The following BRSK1 variants were observed in gnomAD, a reference collection of about 807,000 sequenced individuals.
The protein encoded by BRSK1 is BR serine/threonine kinase 1.
BRSK1 carries 17 observed loss-of-function variants against 86.2 expected under a neutral mutation model. The observed-to-expected ratio is 0.20, with a 90% CI of 0.14 to 0.30. The LOEUF is 0.30. BRSK1 is among the 10% of genes least tolerant of loss of function. BRSK1 has a pLI of 1.00. For missense variants in BRSK1, 719 were observed against 1,071.9 expected (o/e 0.67, Z 4.60); for synonymous variants, 464 against 440.1 (o/e 1.05, Z -0.68).
rs2088613296 is a variant in BRSK1 at position 55,304,211 on chromosome 19, C to T, written c.1347+101C>T. On this transcript the variant is annotated intron_variant, in intron 13 of 18. Transcript: ENST00000309383. The surrounding 1 kb of genome is among the most constrained non-coding windows in gnomAD (Gnocchi z 5.2). ...CTACAATTCCTGTGCAGTCTTGAGACTTGCTTCTTTGTCCCTGGAGGGCCA... is the reference window on the plus strand; with the variant it reads ...CTACAATTCCTGTGCAGTCTTGAGATTTGCTTCTTTGTCCCTGGAGGGCCA... 7.9e-7 allele frequency: 1 copy of T among 1,271,548 alleles called. No homozygotes were observed. The highest frequency in any genetic ancestry group is 1.1e-6 in the Non-Finnish European group (1 of 922,778). The allele number at this position is 1,271,548 out of a possible 1,614,324, so 78.8% of individuals were successfully genotyped here. A position where few individuals can be genotyped will look rare whatever the true frequency, so the allele number is the denominator to read the frequency against.
Position 55,312,009 on chromosome 19 carries a change from C to G in BRSK1, c.2278C>G (p.Arg760Gly). Residue 760 changes from arginine to glycine, a missense_variant, in exon 19 of 19, where the codon CGC becomes GGC. Transcript: ENST00000309383. ...AGACCCAGAGCTGAGCAGCTCTCCC[C>G]GCCGAGGCCCCCCCAAGGACAAGAA... ...RPDPELSSSP[R>G]RGPPKDKKLL... The G allele has an allele frequency of 6.6e-7, 1 of 1,524,716 alleles. No homozygotes were observed. The highest frequency in any genetic ancestry group is 8.8e-7 in the Non-Finnish European group (1 of 1,134,934). The allele number at this position is 1,524,716 out of a possible 1,614,324, so 94.4% of individuals were successfully genotyped here.
At position 55,312,126 on chromosome 19, in the gene BRSK1, C is replaced by T. The variant is rs2088815519; in HGVS notation, c.*58C>T. The T allele has an allele frequency of 1.4e-6, 1 of 724,348 alleles. No homozygotes were observed. Among genetic ancestry groups the T allele is most frequent in the South Asian group, 2.0e-5 (1 of 49,412 alleles). 44.9% of individuals were successfully genotyped at this position (724,348 alleles called of 1,614,324 possible). ...TCCACCCCCCTTCCGTGCCCCCCAA[C>T]TGTGAATCTGTAAATAAGGCCCAAG... On this transcript the variant is annotated 3_prime_UTR_variant, in exon 19 of 19. Coordinates refer to ENST00000309383, the MANE Select transcript of BRSK1 (RefSeq NM_032430.2).
In BRSK1 at chr19:55,311,864, C is replaced by A. The variant is rs2088805480; in HGVS notation, c.2180-47C>A. ...CCCCATCCCCTGGTAATGGGAACCC[C>A]AACCCTGGGCTGCGGAACCCACGAA... On this transcript the variant is annotated intron_variant, in intron 18 of 18. Transcript: ENST00000309383. 3.8e-6 allele frequency: 6 copies of A among 1,597,426 alleles called. No homozygotes were observed. The South Asian group carries it at 5.6e-5, about 15-fold the overall frequency.
At chr19:55,290,901 A>G (rs971651114) in intron 4 of BRSK1, among the ~76,000 whole-genome samples, 1 of 151,880 alleles carries the variant, frequency 6.6e-6, no homozygotes, top group Non-Finnish European at 1.5e-5. Flanking sequence ...TCGGCCTCCC[A>G]AAGTGCTGGG....
At chr19:55,305,915 G>C (rs2088644090) in intron 16 of BRSK1, among the ~76,000 whole-genome samples, 1 of 152,204 alleles carries the variant, frequency 6.6e-6, no homozygotes, top group African/African-American at 2.4e-5. Context: ...TTATGCCTAC[G>C]GGTGGATGGG....
chr19:55,309,404 C>T (rs1193664149), intron 18 of BRSK1, among the ~76,000 whole-genome samples: 2 of 152,292 alleles, frequency 1.3e-5, no homozygotes, highest in South Asian at 4.1e-4. Flanking sequence ...TGTCTTAGTT[C>T]GTTCAGGCTA....
Position 55,302,969 on chromosome 19 carries a change from T to C in BRSK1, c.1028+102T>C. Reference sequence around the variant, plus strand: ...CTGGGCGAGGAACCCTGGCCTCTCATGGGGCATGGTTTGAAGCTCCCGCCT... The same window carrying C: ...CTGGGCGAGGAACCCTGGCCTCTCACGGGGCATGGTTTGAAGCTCCCGCCT... On this transcript the variant is annotated intron_variant, in intron 10 of 18. Transcript: ENST00000309383. This position sits in a 1 kb window ranked among gnomAD's most constrained non-coding sequence, Gnocchi z 6.3. 6.9e-7 allele frequency: 1 copy of C among 1,453,506 alleles called. No individual in the cohort carries two copies. The highest frequency in any genetic ancestry group is 2.3e-5 in the Admixed American group (1 of 43,396). 90.0% of individuals were successfully genotyped at this position (1,453,506 alleles called of 1,614,324 possible).
At chr19:55,297,719 G>A (rs1402642231) in intron 7 of BRSK1, among the ~76,000 whole-genome samples, 1 of 152,212 alleles carries the variant, frequency 6.6e-6, no homozygotes, top group Non-Finnish European at 1.5e-5. Flanking sequence ...CTCCCTGAGC[G>A]AGCCAGTCAC....
rs1474279423 is a variant in BRSK1, at chr19:55,284,263, C to G, written c.-180C>G. On this transcript the variant is annotated 5_prime_UTR_variant, in exon 1 of 19. Coordinates refer to ENST00000309383, the MANE Select transcript of BRSK1 (RefSeq NM_032430.2). ...TGACCCCCCCGGGCCAGCCCCCCCT[C>G]CCCCAGCTCCGCGGCCCGCCGACTG... 1 of 474,880 alleles carries G rather than the reference C, an allele frequency of 2.1e-6. No homozygotes were observed. Among genetic ancestry groups the G allele is most frequent in the Non-Finnish European group, 3.3e-6 (1 of 302,234 alleles). 29.4% of individuals were successfully genotyped at this position (474,880 alleles called of 1,614,324 possible).
intron 1 of BRSK1, among the ~76,000 whole-genome samples, chr19:55,285,071 G>T (rs979062850): frequency 1.4e-5 from 2 of 139,914 alleles, no homozygotes; most frequent in Non-Finnish European, 3.2e-5. Context: ...GGGAGGAGGG[G>T]ACTGGGGTCC....
chr19:55,301,986 C>A, intron 8 of BRSK1, 151 bp from the exon 9 acceptor site: 1 of 980,984 alleles, frequency 1.0e-6, no homozygotes, highest in Non-Finnish European at 1.6e-6. Flanking sequence ...CACTCAGTCG[C>A]CACTAGAGGG....
chr19:55,298,099 G>A (rs938261740), intron 7 of BRSK1, among the ~76,000 whole-genome samples: 8 of 151,960 alleles, frequency 5.3e-5, no homozygotes, highest in African/African-American at 1.9e-4. Flanking sequence ...ACAGGCGTGA[G>A]CCACTTCCCC....
In BRSK1 at chr19:55,284,062, A is replaced by G. The variant is rs1600165349; in HGVS notation, c.-381A>G. ...GCGGGGGGAGGCGGAGAGGAGGAGG[A>G]GGCGGAGGAGAGAGGGCGCGTGGGG... On this transcript the variant is annotated 5_prime_UTR_variant, in exon 1 of 19. Coordinates refer to ENST00000309383, the MANE Select transcript of BRSK1 (RefSeq NM_032430.2). The G allele has an allele frequency of 1.5e-6, 1 of 655,548 alleles. No homozygotes were observed. The highest frequency in any genetic ancestry group is 2.0e-6 in the Non-Finnish European group (1 of 506,726). The allele number at this position is 655,548 out of a possible 1,614,324, so 40.6% of individuals were successfully genotyped here.
At chr19:55,308,756 G>C (rs1332051529) in intron 18 of BRSK1, 28 bp downstream of exon 18, 1 of 504,302 alleles carries the variant, frequency 2.0e-6, no homozygotes, top group South Asian at 2.1e-5. Flanking sequence ...GGGTGGTGGG[G>C]GGCGTGGGTG....
chr19:55,292,416 T>C (rs1444784459), intron 4 of BRSK1, among the ~76,000 whole-genome samples: 1 of 152,180 alleles, frequency 6.6e-6, no homozygotes, highest in East Asian at 1.9e-4. Context: ...GGGAGGAGTA[T>C]GTAAGGGACA....
intron 7 of BRSK1, among the ~76,000 whole-genome samples, chr19:55,297,488 G>C (rs1001925873): frequency 1.3e-5 from 2 of 152,202 alleles, no homozygotes; most frequent in African/African-American, 4.8e-5. Context: ...CCGCAGGCCT[G>C]GGGTCAGTCC....
chr19:55,297,915 A>G (rs1459873963), intron 7 of BRSK1, among the ~76,000 whole-genome samples: 1 of 151,174 alleles, frequency 6.6e-6, no homozygotes, highest in African/African-American at 2.4e-5. Flanking sequence ...CCCAGGTTCA[A>G]GATTCTCCTG....
rs945039692 is a variant in BRSK1 at position 55,310,633 on chromosome 19, T to C, written c.2180-1278T>C. ...ACAGGGGGATGCCAATGGCCTCTTG[T>C]AGGTGGAGGCCAGGGATGCTGTAAA... On this transcript the variant is annotated intron_variant, in intron 18 of 18. Coordinates refer to ENST00000309383, the MANE Select transcript of BRSK1 (RefSeq NM_032430.2). The surrounding 1 kb of genome is among the most constrained non-coding windows in gnomAD (Gnocchi z 5.0). Among the ~76,000 whole-genome samples, 1 of 152,104 alleles carries C rather than the reference T, an allele frequency of 6.6e-6. No individual in the cohort carries two copies. The highest frequency in any genetic ancestry group is 2.4e-5 in the African/African-American group (1 of 41,422).
chr19:55,289,324 C>G (rs2088369661), intron 3 of BRSK1, among the ~76,000 whole-genome samples, 156 bp from the exon 4 acceptor site: 1 of 152,130 alleles, frequency 6.6e-6, no homozygotes, highest in Admixed American at 6.5e-5. Context: ...ACTGGAGTCT[C>G]TTCCTCCCAG....
Sources: gnomAD v4.1 joint callset for allele counts (sites outside exome capture counted in the v4.1 genomes callset) on GRCh38, gnomAD v4.1.1 for gene constraint, Gnocchi (gnomAD v3.1) non-coding constraint, MANE v1.5 for transcripts, NCBI Gene and HGNC (gene_info 2026-07-23, HGNC 2026-07-21) for gene names.